The following NOL10 variants were observed in gnomAD, a reference collection of about 807,000 sequenced individuals.
NOL10 encodes the protein nucleolar protein 10, also known as H_NH0074G24.1.
NOL10 carries 58 observed loss-of-function variants against 103.5 expected under a neutral mutation model. The observed-to-expected ratio is 0.56, with a 90% CI of 0.45 to 0.70. NOL10 has a LOEUF of 0.70. Ranked by LOEUF, NOL10 falls within the 30% of genes least tolerant of loss-of-function variation. NOL10 has a pLI of 0.00. For synonymous variants in NOL10, 287 were observed against 282.5 expected (o/e 1.02, Z -0.16); for missense variants, 763 against 807.3 (o/e 0.95, Z 0.67).
chr2:10,645,658 C>T (rs1365229720), intron 12 of NOL10, among the ~76,000 whole-genome samples: 2 of 151,708 alleles, frequency 1.3e-5, no homozygotes, highest in Middle Eastern at 3.2e-3. Flanking sequence ...CTCAGCCTCC[C>T]GAGTAGCTGG....
chr2:10,651,998 T>G (rs1679494515), intron 12 of NOL10, among the ~76,000 whole-genome samples: 1 of 152,014 alleles, frequency 6.6e-6, no homozygotes, highest in African/African-American at 2.4e-5. Context: ...TCCCAGCACT[T>G]AGGGAGGCTG....
intron 11 of NOL10, among the ~76,000 whole-genome samples, chr2:10,656,649 T>C (rs1679857858): frequency 6.6e-6 from 1 of 152,258 alleles, no homozygotes; most frequent in Non-Finnish European, 1.5e-5. Context: ...AGGGGCTGTC[T>C]GCAGCGTGTG....
intron 13 of NOL10, among the ~76,000 whole-genome samples, chr2:10,608,541 C>T (rs576855784): frequency 2.3e-4 from 35 of 152,084 alleles, no homozygotes; most frequent in African/African-American, 8.2e-4. Flanking sequence ...ACACTGGACT[C>T]GGGCAAAATG....
At chr2:10,646,120 T>G (rs1679057595) in intron 12 of NOL10, among the ~76,000 whole-genome samples, 2 of 152,180 alleles carry the variant, frequency 1.3e-5, no homozygotes, top group Non-Finnish European at 2.9e-5. Context: ...CCAAACAACG[T>G]TCACCGAGGT....
At chr2:10,645,635 G>A (rs183676652) in intron 12 of NOL10, among the ~76,000 whole-genome samples, 15 of 151,072 alleles carry the variant, frequency 9.9e-5, no homozygotes, top group Admixed American at 6.0e-4. Context: ...CTGGGTTCAC[G>A]TCATTCTCCT....
intron 17 of NOL10, among the ~76,000 whole-genome samples, chr2:10,591,640 A>T (rs1675396265): frequency 6.6e-6 from 1 of 152,114 alleles, no homozygotes. Context: ...AAGAGAAACG[A>T]AGGAGGGAGA....
intron 8 of NOL10, among the ~76,000 whole-genome samples, chr2:10,666,438 C>T (rs917906871): frequency 6.6e-6 from 1 of 152,114 alleles, no homozygotes; most frequent in African/African-American, 2.4e-5. Flanking sequence ...CCTCCGCCCC[C>T]CTGCCTCAGC....
chr2:10,572,259 A>AG, intron 20 of NOL10, 69 bp from the exon 21 acceptor site: 1 of 1,547,294 alleles, frequency 6.5e-7, no homozygotes, highest in Non-Finnish European at 8.9e-7. Context: ...GGTAACCGTC[A>AG]GGCTGCCAAC....
chr2:10,608,021 A>G (rs1268820496), intron 13 of NOL10, among the ~76,000 whole-genome samples: 2 of 152,128 alleles, frequency 1.3e-5, no homozygotes, highest in East Asian at 1.9e-4. Flanking sequence ...AATCGCTAAG[A>G]GAGTAGATTT....
chr2:10,689,707 A>C, intron 1 of NOL10, 89 bp downstream of exon 1: 1 of 1,329,386 alleles, frequency 7.5e-7, no homozygotes. Context: ...CAGCTAAAAC[A>C]GAGGCTAGGG....
intron 3 of NOL10, among the ~76,000 whole-genome samples, chr2:10,677,635 T>G (rs750467311): frequency 6.6e-6 from 1 of 151,164 alleles, no homozygotes; most frequent in African/African-American, 2.4e-5. Context: ...ATCACGACTG[T>G]GTAATTTTTG....
chr2:10,654,601 G>C, intron 11 of NOL10, 54 bp from the exon 12 acceptor site: 2 of 1,168,902 alleles, frequency 1.7e-6, no homozygotes, highest in South Asian at 2.8e-5. Context: ...AACAACTTTG[G>C]CAATGTCAAA....
rs1016082679 is a variant in NOL10, at chr2:10,644,065, C to A, written c.1026+255G>T. Among the ~76,000 whole-genome samples the A allele has an allele frequency of 3.3e-5, 5 of 152,148 alleles. No individual in the cohort carries two copies. In the South Asian group the frequency reaches 8.3e-4, roughly 25 times the overall value. Reference sequence around the variant, plus strand: ...ATGAGTTCAAGACCACCCCAGCCAACATGGCAAAACCCCGTCTCTACCAAA... The same window carrying A: ...ATGAGTTCAAGACCACCCCAGCCAAAATGGCAAAACCCCGTCTCTACCAAA... On this transcript the variant is annotated intron_variant, in intron 13 of 20. Coordinates refer to ENST00000381685, the MANE Select transcript of NOL10 (RefSeq NM_024894.4).
chr2:10,588,272 A>T (rs1360204828), intron 19 of NOL10, among the ~76,000 whole-genome samples: 1 of 152,204 alleles, frequency 6.6e-6, no homozygotes, highest in Non-Finnish European at 1.5e-5. Flanking sequence ...TTTTAAGTAG[A>T]CAGTTCAGCA....
Position 10,587,518 on chromosome 2 carries a change from C to A in NOL10, c.1844+1525G>T, listed in dbSNP as rs565473724. The stretch of plus-strand genomic sequence containing the variant: ...TCTCCTGACCTCATGATCTGCCCCC[C>A]CCTTGGCCTCCCAAAGTGCTAGGAT... On this transcript the variant is annotated intron_variant, in intron 19 of 20. Coordinates refer to ENST00000381685, the MANE Select transcript of NOL10 (RefSeq NM_024894.4). Among the ~76,000 whole-genome samples the A allele has an allele frequency of 3.8e-4, 57 of 151,330 alleles. 1 individual carries two copies. Among genetic ancestry groups the A allele is most frequent in the South Asian group, 1.9e-3 (9 of 4,786 alleles).
At chr2:10,642,795 G>A (rs145565928) in intron 13 of NOL10, among the ~76,000 whole-genome samples, 17 of 152,250 alleles carry the variant, frequency 1.1e-4, no homozygotes, top group African/African-American at 4.1e-4. Flanking sequence ...TATTCCCTGA[G>A]TGCCAACCAC....
chr2:10,622,002 G>T (rs1447913020), intron 13 of NOL10: 7 of 460,414 alleles, frequency 1.5e-5, no homozygotes, highest in Non-Finnish European at 3.1e-5. Context: ...CAGTCCCTTA[G>T]ATGCAGTACT....
chr2:10,625,036 T>G (rs11681843), intron 13 of NOL10, among the ~76,000 whole-genome samples: 5,680 of 152,286 alleles, frequency 0.037, 206 homozygotes, highest in African/African-American at 0.094. Context: ...GCCTACATAC[T>G]GTATGATTTC....
chr2:10,588,584 A>C (rs1278750030), intron 19 of NOL10, among the ~76,000 whole-genome samples: 2 of 152,234 alleles, frequency 1.3e-5, no homozygotes. Flanking sequence ...GAAGAAGCAG[A>C]AAAGTTGTCA....
Sources: allele counts gnomAD v4.1 joint callset (sites outside exome capture counted in the v4.1 genomes callset), GRCh38; gene constraint gnomAD v4.1.1; transcripts MANE v1.5; gene names NCBI Gene and HGNC (gene_info 2026-07-23, HGNC 2026-07-21).